The following ZNF385B variants were observed in gnomAD, a reference collection of about 807,000 sequenced individuals.
ZNF385B encodes zinc finger protein 385B.
Under a neutral mutation model 39.2 loss-of-function variants are expected in ZNF385B, and 23 were observed. That is an observed-to-expected ratio of 0.59 (90% CI 0.42 to 0.83). The LOEUF is 0.83. Among genes scored for constraint, ZNF385B ranks in the 40% least tolerant of loss-of-function variants. The pLI, the probability that ZNF385B is intolerant of heterozygous loss-of-function variation, is 0.00. For missense variants in ZNF385B, 552 were observed against 598.9 expected (o/e 0.92, Z 0.82); for synonymous variants, 205 against 222.6 (o/e 0.92, Z 0.70).
intron 3 of ZNF385B, among the ~76,000 whole-genome samples, chr2:179,615,449 A>G (rs1689654202): frequency 1.3e-5 from 2 of 152,222 alleles, no homozygotes; most frequent in Admixed American, 1.3e-4. Flanking sequence ...TCTGTAGTCC[A>G]TGTTTTAACA....
chr2:179,664,060 A>AT lies in ZNF385B; in HGVS notation c.298+105442dup, dbSNP rs199631025. Among the ~76,000 whole-genome samples the AT allele has an allele frequency of 2.2e-3, 227 of 104,882 alleles. 3 individuals carry two copies. The highest frequency in any genetic ancestry group is 0.012 in the East Asian group (40 of 3,306). The allele number at this position is 104,882 out of a possible 152,430, so 68.8% of individuals were successfully genotyped here. A position where few individuals can be genotyped will look rare whatever the true frequency, so the allele number is the denominator to read the frequency against. ...TTATAAATAGTTTTAAGTAAAAAAT[A>AT]TTTTTTTTTTTTCAAAAAAGCAAGT... On this transcript the variant is annotated intron_variant, in intron 3 of 9. Coordinates refer to ENST00000410066, the MANE Select transcript of ZNF385B (RefSeq NM_152520.6).
chr2:179,677,503 A>G (rs1218201971), intron 3 of ZNF385B, among the ~76,000 whole-genome samples: 3 of 152,244 alleles, frequency 2.0e-5, no homozygotes, highest in Non-Finnish European at 4.4e-5. Context: ...AGTTGTTGTG[A>G]GAAGCTTTAT....
intron 1 of ZNF385B, among the ~76,000 whole-genome samples, chr2:179,834,017 C>A (rs1708117809): frequency 6.6e-6 from 1 of 151,764 alleles, no homozygotes; most frequent in South Asian, 2.1e-4. Context: ...TTAATACATT[C>A]ATGTTATTGG....
chr2:179,837,782 G>A (rs1708329607), intron 1 of ZNF385B, among the ~76,000 whole-genome samples: 1 of 152,106 alleles, frequency 6.6e-6, no homozygotes. Flanking sequence ...TCCTTTTAAA[G>A]CTCTTTATAG....
At chr2:179,720,210 A>G (rs1219701362) in intron 3 of ZNF385B, among the ~76,000 whole-genome samples, 1 of 152,174 alleles carries the variant, frequency 6.6e-6, no homozygotes, top group Admixed American at 6.5e-5. Context: ...ACAATTTAAA[A>G]TAGTGATAAT....
intron 3 of ZNF385B, among the ~76,000 whole-genome samples, chr2:179,566,678 T>C (rs775355583): frequency 4.6e-5 from 7 of 152,214 alleles, no homozygotes; most frequent in Non-Finnish European, 8.8e-5. Context: ...TTTTTAGAAC[T>C]CAGAAATAAT....
Position 179,544,931 on chromosome 2 carries a change from G to C in ZNF385B, c.337C>G (p.Arg113Gly). 1 of 1,614,012 alleles carries C rather than the reference G, an allele frequency of 6.2e-7. No homozygotes were observed. Among genetic ancestry groups the C allele is most frequent in the Non-Finnish European group, 8.5e-7 (1 of 1,179,912 alleles). Residue 113 changes from arginine to glycine, a missense_variant, in exon 4 of 10, where the codon CGC becomes GGC. Physicochemically the swap from Arg to Gly is moderately radical, Grantham distance 125. Coordinates refer to ENST00000410066, the MANE Select transcript of ZNF385B (RefSeq NM_152520.6). ...GGCTGCATCATCAGGGTAGGTGTGC[G>C]CACAAGAGCAGGAAGGGTAGTAGTG... ...CHTTTLPALV[R>G]TPTLMMQPSL...
chr2:179,443,377 G>A lies in ZNF385B; in HGVS notation c.1334C>T (p.Ala445Val), dbSNP rs968997394. 9.3e-6 allele frequency: 15 copies of A among 1,612,148 alleles called. No homozygotes were observed. Among genetic ancestry groups the A allele is most frequent in the Admixed American group, 6.7e-5 (4 of 59,834 alleles). ...AGAGGGCCGGGGTGGGAGTGACAGC[G>A]CTGAGGACACGGCTGCCGCCGCTGC... ...PLAAAAAVSS[A>V]LSLPPRPSAS... The change falls in exon 10 of 10, where the codon GCG becomes GTG. Residue 445 changes from alanine (A) to valine (V), a missense_variant. Coordinates refer to ENST00000410066, the MANE Select transcript of ZNF385B (RefSeq NM_152520.6).
chr2:179,536,767 T>C (rs910502601), intron 4 of ZNF385B, among the ~76,000 whole-genome samples: 23 of 152,134 alleles, frequency 1.5e-4, no homozygotes, highest in African/African-American at 5.6e-4. Flanking sequence ...AGTAAATGGT[T>C]GTGAATGAGT....
chr2:179,573,979 C>G (rs967627683), intron 3 of ZNF385B, among the ~76,000 whole-genome samples: 3 of 152,132 alleles, frequency 2.0e-5, no homozygotes, highest in Non-Finnish European at 2.9e-5. Context: ...ATTATAATAT[C>G]TATTTCATTT....
intron 4 of ZNF385B, among the ~76,000 whole-genome samples, chr2:179,519,254 T>C (rs2058314887): frequency 6.6e-6 from 1 of 152,228 alleles, no homozygotes; most frequent in Non-Finnish European, 1.5e-5. Flanking sequence ...ATTTTTGATT[T>C]ATGGTAAAGT....
At chr2:179,798,042 G>A (rs1341878556) in intron 1 of ZNF385B, among the ~76,000 whole-genome samples, 1 of 151,902 alleles carries the variant, frequency 6.6e-6, no homozygotes, top group East Asian at 1.9e-4. Context: ...TACTGAGTTG[G>A]GCCACTAGAA....
At chr2:179,524,832 G>T (rs2058782387) in intron 4 of ZNF385B, among the ~76,000 whole-genome samples, 1 of 151,812 alleles carries the variant, frequency 6.6e-6, no homozygotes, top group Non-Finnish European at 1.5e-5. Flanking sequence ...CATACTTTGG[G>T]TTTTTTTTCC....
At position 179,861,290 on chromosome 2, in the gene ZNF385B, C is replaced by A. The variant is rs1323308366; in HGVS notation, c.-344G>T. On this transcript the variant is annotated 5_prime_UTR_variant, in exon 1 of 10. Transcript: ENST00000410066. ...GCGGCGGCGGTGGAGGTGGCGCGGGCGACAGCTCGGCCCGGCGCGGCCCCT... is the reference window on the plus strand; with the variant it reads ...GCGGCGGCGGTGGAGGTGGCGCGGGAGACAGCTCGGCCCGGCGCGGCCCCT... 1 of 157,156 alleles carries A rather than the reference C, an allele frequency of 6.4e-6. No homozygotes were observed. Among genetic ancestry groups the A allele is most frequent in the East Asian group, 1.9e-4 (1 of 5,258 alleles). 9.7% of individuals were successfully genotyped at this position (157,156 alleles called of 1,614,324 possible).
At chr2:179,517,063 A>ACT (rs1160152631) in intron 5 of ZNF385B, among the ~76,000 whole-genome samples, 1 of 151,860 alleles carries the variant, frequency 6.6e-6, no homozygotes, top group Non-Finnish European at 1.5e-5. Context: ...TATTGGTGTG[A>ACT]GTCTATTTCT....
intron 3 of ZNF385B, among the ~76,000 whole-genome samples, chr2:179,747,917 T>C (rs930475063): frequency 5.3e-5 from 8 of 152,158 alleles, no homozygotes; most frequent in African/African-American, 1.7e-4. Flanking sequence ...ATAAATGCTA[T>C]AATTTAAGCT....
chr2:179,819,236 A>C (rs1047850106), intron 1 of ZNF385B, among the ~76,000 whole-genome samples: 8 of 152,124 alleles, frequency 5.3e-5, no homozygotes, highest in South Asian at 2.1e-4. Flanking sequence ...CAAACTTGAG[A>C]AGGGACTTAT....
chr2:179,510,353 C>T (rs981933056), intron 5 of ZNF385B, among the ~76,000 whole-genome samples: 3 of 151,678 alleles, frequency 2.0e-5, no homozygotes, highest in Admixed American at 6.6e-5. Flanking sequence ...GTGTGGCAGG[C>T]AGTGAATGTG....
At chr2:179,813,165 C>T (rs1706843061) in intron 1 of ZNF385B, among the ~76,000 whole-genome samples, 1 of 152,122 alleles carries the variant, frequency 6.6e-6, no homozygotes, top group South Asian at 2.1e-4. Flanking sequence ...TTCACATGCT[C>T]TTATGCCTTT....
Sources: gnomAD v4.1 joint callset for allele counts (sites outside exome capture counted in the v4.1 genomes callset) on GRCh38, gnomAD v4.1.1 for gene constraint, MANE v1.5 for transcripts, NCBI Gene and HGNC (gene_info 2026-07-23, HGNC 2026-07-21) for gene names.